Variants in TTC28 observed in about 807,000 individuals in gnomAD.
TTC28 encodes the protein tetratricopeptide repeat domain 28.
In TTC28, 61 loss-of-function variants were observed where a neutral mutation model predicts 198.0. That is an observed-to-expected ratio of 0.31 (90% CI 0.25 to 0.38). The LOEUF (loss-of-function observed/expected upper bound fraction) is 0.38. Among genes scored for constraint, TTC28 ranks in the 10% least tolerant of loss-of-function variants. TTC28 has a pLI of 1.00. For missense variants in TTC28, 2,678 were observed against 3,164.0 expected, an observed-to-expected ratio of 0.85 and a Z score of 3.69; for synonymous variants, 1,171 against 1,297.8, an observed-to-expected ratio of 0.90 and a Z score of 2.10.
chr22:28,187,750 C>T (rs7284814), intron 5 of TTC28, among the ~76,000 whole-genome samples: 36,029 of 152,084 alleles, frequency 0.24, 4,456 homozygotes, highest in African/African-American at 0.26. Context: ...CAAGGATGTG[C>T]TTCAGGGGTT....
chr22:28,484,640 A>C (rs1226600823), intron 2 of TTC28, among the ~76,000 whole-genome samples: 1 of 152,130 alleles, frequency 6.6e-6, no homozygotes. Flanking sequence ...CCTCTACCAA[A>C]GATCTCTCCC....
At chr22:28,296,462 G>C in intron 4 of TTC28, 134 bp from the exon 5 acceptor site, 1 of 862,918 alleles carries the variant, frequency 1.2e-6, no homozygotes, top group Non-Finnish European at 1.6e-6. Context: ...TATTAGAAAA[G>C]TATTTGTTTC....
intron 2 of TTC28, among the ~76,000 whole-genome samples, chr22:28,435,068 A>C (rs1217679470): frequency 2.0e-5 from 3 of 151,896 alleles, no homozygotes; most frequent in African/African-American, 7.2e-5. Flanking sequence ...GATATCTACC[A>C]GCAAAAAAGC....
At chr22:28,353,553 C>T (rs2046031486) in intron 2 of TTC28, among the ~76,000 whole-genome samples, 1 of 152,144 alleles carries the variant, frequency 6.6e-6, no homozygotes, top group Non-Finnish European at 1.5e-5. Flanking sequence ...ATATGGTCGA[C>T]TGATCGCTAA....
At chr22:28,218,187 A>G (rs1226096760) in intron 5 of TTC28, among the ~76,000 whole-genome samples, 3 of 152,188 alleles carry the variant, frequency 2.0e-5, no homozygotes, top group East Asian at 3.8e-4. Context: ...TTTCAAATGC[A>G]TTGGTTTATC....
At chr22:28,079,176 C>T (rs1447902470) in intron 12 of TTC28, among the ~76,000 whole-genome samples, 1 of 152,082 alleles carries the variant, frequency 6.6e-6, no homozygotes, top group Non-Finnish European at 1.5e-5. Flanking sequence ...ATCCCAAATA[C>T]ATCTTTGAAA....
intron 13 of TTC28, chr22:28,028,829 G>A: frequency 2.8e-6 from 1 of 356,966 alleles, no homozygotes; most frequent in South Asian, 2.1e-5. Flanking sequence ...TTATACATTG[G>A]CTCCTTTATT....
rs1288687603 is a variant in TTC28 at position 28,196,423 on chromosome 22, C to T, written c.934-32824G>A. Reference sequence around the variant, plus strand: ...ACACCAAAAGTAATGGCAACAAAAGCCAAAATTGACAAATGGGATCTAATT... The same window carrying T: ...ACACCAAAAGTAATGGCAACAAAAGTCAAAATTGACAAATGGGATCTAATT... On this transcript the variant is annotated intron_variant, in intron 5 of 22. Transcript: ENST00000397906. 2.6e-5 allele frequency among the ~76,000 whole-genome samples: 4 copies of T among 152,164 alleles called. No homozygotes were observed. The East Asian group carries it at 5.8e-4, about 22-fold the overall frequency.
chr22:28,162,527 C>A (rs887398047), intron 6 of TTC28, among the ~76,000 whole-genome samples: 1 of 152,156 alleles, frequency 6.6e-6, no homozygotes, highest in Non-Finnish European at 1.5e-5. Context: ...TCTGGTTGCT[C>A]TTCTCTTTCT....
chr22:28,072,091 G>A (rs1457001034), intron 12 of TTC28, among the ~76,000 whole-genome samples: 1 of 152,212 alleles, frequency 6.6e-6, no homozygotes, highest in Non-Finnish European at 1.5e-5. Flanking sequence ...GATACTATAT[G>A]TTCATGGCAC....
At chr22:28,589,978 A>G (rs2050394299) in intron 2 of TTC28, among the ~76,000 whole-genome samples, 1 of 142,376 alleles carries the variant, frequency 7.0e-6, no homozygotes, top group East Asian at 2.3e-4. Flanking sequence ...CAGAGGTTAC[A>G]GTGAGCCCAG....
rs986589853 is a variant in TTC28 at position 27,979,946 on chromosome 22, A to T, written c.*2275T>A. ...AGTATGAAACCTAAAACAACGATGT[A>T]CATGGGACTAAAACCAGGTTAGAGT... On this transcript the variant is annotated 3_prime_UTR_variant, in exon 23 of 23. Coordinates refer to ENST00000397906, the MANE Select transcript of TTC28 (RefSeq NM_001145418.2). The T allele has an allele frequency of 2.0e-5, 3 of 152,264 alleles. No homozygotes were observed. The highest frequency in any genetic ancestry group is 7.2e-5 in the African/African-American group (3 of 41,472). 9.4% of individuals were successfully genotyped at this position (152,264 alleles called of 1,614,324 possible). A position where few individuals can be genotyped will look rare whatever the true frequency, so the allele number is the denominator to read the frequency against.
At chr22:28,651,311 C>CT (rs111469498) in intron 1 of TTC28, among the ~76,000 whole-genome samples, 2 of 147,456 alleles carry the variant, frequency 1.4e-5, no homozygotes, top group East Asian at 1.9e-4. Flanking sequence ...TCTGTCACTC[C>CT]TTTTTTTTGA....
intron 5 of TTC28, among the ~76,000 whole-genome samples, chr22:28,200,830 A>G (rs1454838128): frequency 6.6e-6 from 1 of 152,176 alleles, no homozygotes; most frequent in Non-Finnish European, 1.5e-5. Context: ...CAAGCCCCTG[A>G]TAATAGGTTC....
chr22:28,472,546 ATGTGTATGTGTG>A (rs1425768339), intron 2 of TTC28, among the ~76,000 whole-genome samples: 26 of 89,038 alleles, frequency 2.9e-4, no homozygotes, highest in South Asian at 4.0e-4. Context: ...CAAAAAGAAA[ATGTGTATGTGTG>A]TGTGTGTGTG....
At chr22:28,364,351 C>A (rs538322247) in intron 2 of TTC28, among the ~76,000 whole-genome samples, 2 of 152,198 alleles carry the variant, frequency 1.3e-5, no homozygotes, top group African/African-American at 4.8e-5. Context: ...TCCCCAGCCA[C>A]GTGGAACTGC....
Position 28,258,894 on chromosome 22 carries a change from G to T in TTC28, c.933+37304C>A, listed in dbSNP as rs555810545. On this transcript the variant is annotated intron_variant, in intron 5 of 22. Transcript: ENST00000397906. ...ACTCTAAAGGAATCTGGCAGTGTTT[G>T]GTTAAAGAGTGTGTGTGTGTGTGTG... 1.2e-4 allele frequency among the ~76,000 whole-genome samples: 18 copies of T among 144,560 alleles called. No homozygotes were observed. The East Asian group carries it at 2.0e-3, about 16-fold the overall frequency. The allele number at this position is 144,560 out of a possible 152,430, so 94.8% of individuals were successfully genotyped here.
intron 2 of TTC28, among the ~76,000 whole-genome samples, chr22:28,572,233 T>C (rs1158189159): frequency 6.6e-6 from 1 of 150,376 alleles, no homozygotes; most frequent in Non-Finnish European, 1.5e-5. Flanking sequence ...TCCCAGTTAC[T>C]GGGGAGGCTG....
At chr22:28,238,530 T>A (rs1929421201) in intron 5 of TTC28, among the ~76,000 whole-genome samples, 1 of 152,212 alleles carries the variant, frequency 6.6e-6, no homozygotes, top group African/African-American at 2.4e-5. Flanking sequence ...GTTAATTCCA[T>A]CATCTGTGTC....
Sources: gnomAD v4.1 joint callset for allele counts (sites outside exome capture counted in the v4.1 genomes callset) on GRCh38, gnomAD v4.1.1 for gene constraint, MANE v1.5 for transcripts, NCBI Gene and HGNC (gene_info 2026-07-23, HGNC 2026-07-21) for gene names.